Variants in TRIOBP observed in about 807,000 individuals in gnomAD.
The protein encoded by TRIOBP is TRIO and F-actin-binding protein.
Under a neutral mutation model 238.8 loss-of-function variants are expected in TRIOBP, and 169 were observed. The observed-to-expected ratio is 0.71, with a 90% confidence interval of 0.62 to 0.80. The LOEUF is 0.80. Ranked by LOEUF, TRIOBP falls within the 30% of genes least tolerant of loss-of-function variation. The pLI is 0.00. For synonymous variants in TRIOBP, 1,150 were observed against 1,274.4 expected, an observed-to-expected ratio of 0.90 and a Z score of 2.08; for missense variants, 2,838 against 3,122.6, an observed-to-expected ratio of 0.91 and a Z score of 2.17.
Position 37,759,375 on chromosome 22 carries a change from T to G in TRIOBP, c.6324+111T>G, listed in dbSNP as rs374758149. On this transcript the variant is annotated intron_variant, in intron 17 of 23. Coordinates refer to ENST00000644935, the MANE Select transcript of TRIOBP (RefSeq NM_001039141.3). ...CTTCCTGTGTGTGCTGGAACCTGTGTGGGGCATTTGACATGCGTCATCTCA... is the reference window on the plus strand; with the variant it reads ...CTTCCTGTGTGTGCTGGAACCTGTGGGGGGCATTTGACATGCGTCATCTCA... The G allele has an allele frequency of 1.3e-5, 17 of 1,300,788 alleles. No individual in the cohort carries two copies. In the African/African-American group the frequency reaches 1.5e-4, roughly 11 times the overall value. The allele number at this position is 1,300,788 out of a possible 1,614,324, so 80.6% of individuals were successfully genotyped here.
At chr22:37,732,850 T>C (rs186121433) in intron 7 of TRIOBP, among the ~76,000 whole-genome samples, 10 of 152,376 alleles carry the variant, frequency 6.6e-5, no homozygotes, top group Non-Finnish European at 1.2e-4. Context: ...CAATAAATGC[T>C]TTGTCATAAT....
At position 37,772,678 on chromosome 22, in the gene TRIOBP, G is replaced by A; in HGVS notation, c.7014G>A (p.Glu2338=). 1 of 1,614,150 alleles carries A rather than the reference G, an allele frequency of 6.2e-7. No homozygotes were observed. The highest frequency in any genetic ancestry group is 8.5e-7 in the Non-Finnish European group (1 of 1,180,024). ...LSHIKTRSER[E]IEQLKEHLRL... ...ACATCAAGACACGGTCTGAGCGGGA[G>A]ATCGAGCAGCTGAAGGAGCACCTGC... The change falls in exon 23 of 24, where the codon GAG becomes GAA. Residue 2338 remains glutamate (E), a synonymous_variant. Transcript: ENST00000644935.
Position 37,723,633 on chromosome 22 carries a change from C to A in TRIOBP, c.1077C>A (p.Thr359=). 1.2e-6 allele frequency: 2 copies of A among 1,614,122 alleles called. No individual in the cohort carries two copies. Among genetic ancestry groups the A allele is most frequent in the Non-Finnish European group, 1.7e-6 (2 of 1,180,020 alleles). ...TQLDNPRTSS[T]QQDNPQTSFP... is the part of the protein sequence containing the mutation. The stretch of plus-strand genomic sequence containing the variant: ...TGGATAACCCCAGAACCTCTTCTAC[C>A]CAGCAGGACAACCCCCAAACTTCTT... The change falls in exon 7 of 24, where the codon ACC becomes ACA. Residue 359 remains threonine, a synonymous_variant. Coordinates refer to ENST00000644935, the MANE Select transcript of TRIOBP (RefSeq NM_001039141.3).
At chr22:37,760,733 G>A (rs981343297) in intron 17 of TRIOBP, among the ~76,000 whole-genome samples, 3 of 152,096 alleles carry the variant, frequency 2.0e-5, no homozygotes, top group Non-Finnish European at 1.5e-5. Context: ...CCAGCACTTT[G>A]GGGAGGCCGA....
chr22:37,729,422 C>T (rs551719462), intron 7 of TRIOBP, among the ~76,000 whole-genome samples: 161 of 152,080 alleles, frequency 1.1e-3, no homozygotes, highest in African/African-American at 3.7e-3. Context: ...CACTTTGTTG[C>T]CCAGGTTGGT....
chr22:37,736,411 C>G (rs1243522051), intron 9 of TRIOBP, among the ~76,000 whole-genome samples: 1 of 152,136 alleles, frequency 6.6e-6, no homozygotes, highest in Non-Finnish European at 1.5e-5. Context: ...ACGCCACCTG[C>G]CCCAGGATGA....
chr22:37,733,666 C>CTTTT (rs529942326), intron 8 of TRIOBP, among the ~76,000 whole-genome samples: 7 of 97,394 alleles, frequency 7.2e-5, no homozygotes, highest in African/African-American at 1.1e-4. Context: ...GCACTGCTGT[C>CTTTT]TTTTTTTTTT....
At position 37,769,236 on chromosome 22, in the gene TRIOBP, T is replaced by A. The variant is rs766575661; in HGVS notation, c.6736-26T>A. 5 of 1,605,470 alleles carry A rather than the reference T, an allele frequency of 3.1e-6. No individual in the cohort carries two copies. The South Asian group carries it at 4.4e-5, about 14-fold the overall frequency. On this transcript the variant is annotated intron_variant, in intron 20 of 23. Coordinates refer to ENST00000644935, the MANE Select transcript of TRIOBP (RefSeq NM_001039141.3). ...GGACACGGGTGGGTCCCGGCACCCC[T>A]CCCCTGACCACCGTGCCTCTCCCAG...
At chr22:37,759,734 A>G in intron 17 of TRIOBP, 1 of 1,458,196 alleles carries the variant, frequency 6.9e-7, no homozygotes, top group Non-Finnish European at 9.0e-7. Context: ...CAGAGAATGC[A>G]CCGTCCGCCT....
chr22:37,776,465 A>T lies in TRIOBP; in HGVS notation c.*2685A>T, dbSNP rs1457332151. On this transcript the variant is annotated 3_prime_UTR_variant, in exon 24 of 24. Coordinates refer to ENST00000644935, the MANE Select transcript of TRIOBP (RefSeq NM_001039141.3). ...CCAGGAGAAATGAGTCCTTACATGC[A>T]CAAAAGGATGAGTACCGTAATACTC... 2.0e-5 allele frequency: 3 copies of T among 152,236 alleles called. No individual in the cohort carries two copies. The highest frequency in any genetic ancestry group is 7.2e-5 in the African/African-American group (3 of 41,458). 9.4% of individuals were successfully genotyped at this position (152,236 alleles called of 1,614,324 possible). A position where few individuals can be genotyped will look rare whatever the true frequency, so the allele number is the denominator to read the frequency against.
intron 3 of TRIOBP, among the ~76,000 whole-genome samples, chr22:37,708,772 C>T (rs192130522): frequency 3.9e-5 from 6 of 152,286 alleles, no homozygotes; most frequent in East Asian, 3.9e-4. Context: ...AGCCGGGAAC[C>T]GGAGGAGCCA....
intron 6 of TRIOBP, among the ~76,000 whole-genome samples, chr22:37,719,533 C>A (rs1041661831): frequency 6.6e-6 from 1 of 152,130 alleles, no homozygotes; most frequent in East Asian, 1.9e-4. Context: ...AGGCACTCAG[C>A]AGACGTTTAC....
chr22:37,718,846 T>TG (rs1923675794), intron 6 of TRIOBP, among the ~76,000 whole-genome samples: 1 of 142,258 alleles, frequency 7.0e-6, no homozygotes, highest in African/African-American at 2.6e-5. Context: ...GGGGCTTGTT[T>TG]TTTTTTTTTT....
At chr22:37,762,757 G>A (rs1244605226) in intron 17 of TRIOBP, among the ~76,000 whole-genome samples, 1 of 152,174 alleles carries the variant, frequency 6.6e-6, no homozygotes, top group African/African-American at 2.4e-5. Context: ...ACGGGAGGAG[G>A]CGGATGGAAA....
chr22:37,716,464 C>T (rs1923525373), intron 6 of TRIOBP, among the ~76,000 whole-genome samples: 1 of 152,100 alleles, frequency 6.6e-6, no homozygotes, highest in South Asian at 2.1e-4. Flanking sequence ...GAGTCTCACA[C>T]TGTTGCCCAG....
chr22:37,755,245 T>C (rs1181652867), intron 14 of TRIOBP, 55 bp downstream of exon 14: 24 of 1,555,934 alleles, frequency 1.5e-5, no homozygotes, highest in Non-Finnish European at 1.9e-5. Context: ...TGGAGGTCCC[T>C]GGGGGAGGTT....
intron 7 of TRIOBP, among the ~76,000 whole-genome samples, chr22:37,727,925 A>G (rs1164249922): frequency 3.9e-5 from 6 of 152,210 alleles, no homozygotes; most frequent in Non-Finnish European, 5.9e-5. Flanking sequence ...TAGGGTCAAG[A>G]GAACAACAGC....
chr22:37,725,291 G>C lies in TRIOBP; in HGVS notation c.2735G>C (p.Arg912Pro). Residue 912 changes from arginine (R) to proline (P), a missense_variant, in exon 7 of 24, where the codon CGG becomes CCG. By Grantham distance (103) the Arg-to-Pro change is moderately radical (BLOSUM62 -2). Around this residue, in one of 5 missense-constraint regions of TRIOBP, gnomAD observed 2,096 missense variants for 2,137.4 expected, o/e 0.98. Transcript: ENST00000644935. ...KDIPWASFPLRPTQSDGPRTS... is the reference protein window; with the variant it reads ...KDIPWASFPLPPTQSDGPRTS... ...ATCCCCTGGGCCTCGTTTCCCCTCC[G>C]GCCAACTCAGAGTGATGGTCCCCGA... 1 of 1,613,742 alleles carries C rather than the reference G, an allele frequency of 6.2e-7. No homozygotes were observed. Among genetic ancestry groups the C allele is most frequent in the Non-Finnish European group, 8.5e-7 (1 of 1,179,984 alleles).
chr22:37,750,746 A>G (rs1301021596), intron 11 of TRIOBP: 3 of 470,936 alleles, frequency 6.4e-6, no homozygotes, highest in South Asian at 1.5e-5. Flanking sequence ...TCCACTTCCT[A>G]TACCTGAGAA....
Sources: allele counts gnomAD v4.1 joint callset (sites outside exome capture counted in the v4.1 genomes callset), GRCh38; gene constraint gnomAD v4.1.1; regional missense constraint gnomAD v4.1.1; transcripts MANE v1.5; gene names NCBI Gene and HGNC (gene_info 2026-07-23, HGNC 2026-07-21).